The following TOP1MT variants were observed in gnomAD, a reference collection of about 807,000 sequenced individuals.
TOP1MT encodes DNA topoisomerase I mitochondrial, also known as DNA topoisomerase I, mitochondrial.
Under a neutral mutation model 73.9 loss-of-function variants are expected in TOP1MT, and 80 were observed. The observed-to-expected ratio is 1.08, with a 90% CI of 0.90 to 1.30. The LOEUF is 1.30. Among genes scored for constraint, TOP1MT ranks in the 50% most tolerant of loss-of-function variants. The pLI is 0.00. For synonymous variants in TOP1MT, 338 were observed against 326.4 expected, an observed-to-expected ratio of 1.04 and a Z score of -0.38; for missense variants, 815 against 808.0, an observed-to-expected ratio of 1.01 and a Z score of -0.10.
upstream of TOP1MT, among the ~76,000 whole-genome samples, chr8:143,335,049 C>G (rs1166873577): frequency 6.8e-6 from 1 of 146,940 alleles, no homozygotes; most frequent in Non-Finnish European, 1.5e-5. Context: ...CCGGCCTCCC[C>G]CTGGTTTCCC....
rs1400546794 is a variant in TOP1MT at position 143,326,377 on chromosome 8, G to A, written c.361-33C>T. On this transcript the variant is annotated intron_variant, in intron 3 of 13. Coordinates refer to ENST00000329245, the MANE Select transcript of TOP1MT (RefSeq NM_052963.3). ...AACCACAGACACGCGCTCTCACCAT[G>A]TCTGAAGGACAGACATGCAGAGCGC... The A allele has an allele frequency of 3.7e-6, 6 of 1,613,108 alleles. No homozygotes were observed. The East Asian group carries it at 1.3e-4, about 36-fold the overall frequency.
chr8:143,321,978 C>G (rs1213077027), intron 7 of TOP1MT, among the ~76,000 whole-genome samples: 4 of 74,862 alleles, frequency 5.3e-5, no homozygotes, highest in Admixed American at 1.8e-4. Context: ...GCTCACCACA[C>G]GCACGCCACA....
intron 7 of TOP1MT, among the ~76,000 whole-genome samples, chr8:143,322,571 G>C (rs371629025): frequency 1.1e-5 from 1 of 87,680 alleles, no homozygotes; most frequent in Non-Finnish European, 2.1e-5. Context: ...ACACAGACAC[G>C]CCACACACAT....
In TOP1MT at chr8:143,322,839, CCA is replaced by C. The variant is rs1404326466; in HGVS notation, c.960+1158_960+1159del. 4.9e-3 allele frequency among the ~76,000 whole-genome samples: 210 copies of C among 42,700 alleles called. 46 individuals carry two copies. The highest frequency in any genetic ancestry group is 8.5e-3 in the Non-Finnish European group (144 of 16,872). 28.0% of individuals were successfully genotyped at this position (42,700 alleles called of 152,430 possible). On this transcript the variant is annotated intron_variant, in intron 7 of 13. Transcript: ENST00000329245. ...CACACAGGCACGCCACACACGCACA[CCA>C]CACACGCACGCAACACACACGCACG...
rs1229557960 is a variant in TOP1MT at position 143,321,516 on chromosome 8, CCA to C, written c.961-132_961-131del. The C allele has an allele frequency of 2.7e-5, 19 of 694,894 alleles. 1 individual carries two copies. Among genetic ancestry groups the C allele is most frequent in the Middle Eastern group, 8.7e-4 (2 of 2,286 alleles). 43.0% of individuals were successfully genotyped at this position (694,894 alleles called of 1,614,324 possible). ...CACACGCACGCCACACACACGCACT[CCA>C]CACACGCACGCCACACACACGCACG... On this transcript the variant is annotated intron_variant, in intron 7 of 13. Coordinates refer to ENST00000329245, the MANE Select transcript of TOP1MT (RefSeq NM_052963.3).
intron 13 of TOP1MT, chr8:143,309,836 C>T (rs1467402355): frequency 1.4e-5 from 21 of 1,534,246 alleles, no homozygotes; most frequent in Admixed American, 9.8e-5. Flanking sequence ...CTGATGCCTC[C>T]GAGTCCCAGG....
chr8:143,331,496 C>T (rs1224281107), intron 1 of TOP1MT, among the ~76,000 whole-genome samples, 157 bp from the exon 2 acceptor site: 1 of 152,290 alleles, frequency 6.6e-6, no homozygotes, highest in South Asian at 2.1e-4. Context: ...AGGGAGGCAA[C>T]CCTACCTGAC....
intron 8 of TOP1MT, among the ~76,000 whole-genome samples, chr8:143,320,189 T>C (rs1030481035): frequency 4.6e-5 from 7 of 151,576 alleles, no homozygotes; most frequent in Non-Finnish European, 2.9e-5. Flanking sequence ...AGTGCAGTGG[T>C]GCCATCTTGG....
At chr8:143,321,544 C>CTACA (rs1563757758) in intron 7 of TOP1MT, among the ~76,000 whole-genome samples, 158 bp from the exon 8 acceptor site, 1 of 112,422 alleles carries the variant, frequency 8.9e-6, no homozygotes, top group East Asian at 2.9e-4. Flanking sequence ...CACACGCACG[C>CTACA]CACACACGCA....
rs575018061 is a variant in TOP1MT at position 143,331,136 on chromosome 8, G to A, written c.238+88C>T. On this transcript the variant is annotated intron_variant, in intron 2 of 13. Coordinates refer to ENST00000329245, the MANE Select transcript of TOP1MT (RefSeq NM_052963.3). The stretch of plus-strand genomic sequence containing the variant: ...CTCATAGCCAGAAGCCTGCAGGGGG[G>A]CTGAGGGAGCGAGCCAGATGCCCAC... 4.0e-5 allele frequency: 41 copies of A among 1,022,494 alleles called. No individual in the cohort carries two copies. The Admixed American group carries it at 6.7e-4, about 17-fold the overall frequency. 63.3% of individuals were successfully genotyped at this position (1,022,494 alleles called of 1,614,324 possible). A position where few individuals can be genotyped will look rare whatever the true frequency, so the allele number is the denominator to read the frequency against.
chr8:143,342,330 GTTA>G lies in TOP1MT; in HGVS notation c.29+887_29+889del, dbSNP rs559697455. Among the ~76,000 whole-genome samples the G allele has an allele frequency of 2.2e-3, 272 of 121,044 alleles. 1 individual carries two copies. The highest frequency in any genetic ancestry group is 4.6e-3 in the Middle Eastern group (1 of 218). 79.4% of individuals were successfully genotyped at this position (121,044 alleles called of 152,430 possible). A position where few individuals can be genotyped will look rare whatever the true frequency, so the allele number is the denominator to read the frequency against. On this transcript the variant is annotated intron_variant, in intron 2 of 5. Coordinates refer to the TOP1MT transcript ENST00000518007. ...TTATTATTAGAGACAGAGTCTCGCT[GTTA>G]TTATTATTATTAGAGACAGAGTCTC...
Position 143,331,326 on chromosome 8 carries a change from TCTC to T in TOP1MT, c.133_135del (p.Glu45del), listed in dbSNP as rs1563766467. ...CTCCACTTCACCCCGTCTTCGTGCT[TCTC>T]CTTCTCCCACCTAAAGACGGAGACA... On this transcript the variant is annotated inframe_deletion, in exon 2 of 14. Coordinates refer to ENST00000329245, the MANE Select transcript of TOP1MT (RefSeq NM_052963.3). 6.2e-7 allele frequency: 1 copy of T among 1,611,604 alleles called. No homozygotes were observed.
intron 11 of TOP1MT, 48 bp downstream of exon 11, chr8:143,315,951 G>C: frequency 6.2e-7 from 1 of 1,612,800 alleles, no homozygotes; most frequent in Non-Finnish European, 8.5e-7. Flanking sequence ...TGGGGAGGGG[G>C]AGGGGTCCCT....
In TOP1MT at chr8:143,325,445, A is replaced by G. The variant is rs372542090; in HGVS notation, c.572T>C (p.Ile191Thr). 6.8e-6 allele frequency: 11 copies of G among 1,613,396 alleles called. No homozygotes were observed. Among genetic ancestry groups the G allele is most frequent in the African/African-American group, 5.3e-5 (4 of 74,896 alleles). ...GHQEKIGNFKIEPPGLFRGRG... is the reference protein window; with the variant it reads ...GHQEKIGNFKTEPPGLFRGRG... ...GCCACGGAACAAGCCAGGCGGCTCA[A>G]TCTTGAAGTTGCCTATTTTTTCTTG... The change falls in exon 5 of 14, where the codon ATT becomes ACT. Residue 191 changes from isoleucine (I) to threonine (T), a missense_variant. Around this residue, in one of 3 missense-constraint regions of TOP1MT, gnomAD observed 751 missense variants for 725.4 expected, o/e 1.04. Coordinates refer to ENST00000329245, the MANE Select transcript of TOP1MT (RefSeq NM_052963.3).
intron 13 of TOP1MT, chr8:143,309,861 C>T: frequency 1.3e-6 from 2 of 1,537,996 alleles, no homozygotes; most frequent in East Asian, 2.4e-5. Context: ...TGTCAGCACC[C>T]CCACTTCACC....
rs935152327 is a variant in TOP1MT, at chr8:143,341,329, C to G, written c.29+1891G>C. On this transcript the variant is annotated intron_variant, in intron 2 of 5. Coordinates refer to the TOP1MT transcript ENST00000518007. This position sits in a 1 kb window ranked among gnomAD's most constrained non-coding sequence, Gnocchi z 4.1. Reference sequence around the variant, plus strand: ...AGAGCCCCCTTCCGGCTGGGCACCGCCTGCAGGGCCATGCCCTTCTATCTC... The same window carrying G: ...AGAGCCCCCTTCCGGCTGGGCACCGGCTGCAGGGCCATGCCCTTCTATCTC... Among the ~76,000 whole-genome samples the G allele has an allele frequency of 2.6e-5, 4 of 152,224 alleles. No homozygotes were observed. Among genetic ancestry groups the G allele is most frequent in the Non-Finnish European group, 5.9e-5 (4 of 68,038 alleles).
intron 12 of TOP1MT, among the ~76,000 whole-genome samples, chr8:143,315,030 C>CT (rs1816115817): frequency 2.0e-5 from 3 of 152,132 alleles, no homozygotes; most frequent in Non-Finnish European, 2.9e-5. Flanking sequence ...TGCCTATTGC[C>CT]AGGCCAACCA....
At chr8:143,328,334 T>C in intron 3 of TOP1MT, 1 of 444,208 alleles carries the variant, frequency 2.3e-6, no homozygotes. Context: ...AGGATGCGTT[T>C]TTAAAACTCC....
At chr8:143,322,960 G>A (rs1200827621) in intron 7 of TOP1MT, among the ~76,000 whole-genome samples, 184 of 63,924 alleles carry the variant, frequency 2.9e-3, no homozygotes, top group African/African-American at 9.5e-3. Flanking sequence ...CGCCACACAC[G>A]CACGCCACAC....
Sources: gnomAD v4.1 joint callset for allele counts (sites outside exome capture counted in the v4.1 genomes callset) on GRCh38, gnomAD v4.1.1 for gene constraint, gnomAD v4.1.1 regional missense constraint, Gnocchi (gnomAD v3.1) non-coding constraint, MANE v1.5 for transcripts, NCBI Gene and HGNC (gene_info 2026-07-23, HGNC 2026-07-21) for gene names.